Variants in UBE3C observed in about 807,000 individuals in gnomAD.
UBE3C encodes ubiquitin-protein ligase E3C.
A neutral mutation model predicts 129.4 loss-of-function variants in UBE3C; 42 were observed. The observed-to-expected ratio is 0.32, with a 90% confidence interval of 0.25 to 0.42. UBE3C has a LOEUF of 0.42. UBE3C is among the 10% of genes least tolerant of loss of function. UBE3C has a pLI of 1.00. For synonymous variants in UBE3C, 510 were observed against 492.4 expected (o/e 1.04, Z -0.47); for missense variants, 1,049 against 1,319.1 (o/e 0.80, Z 3.17).
At position 157,182,113 on chromosome 7, in the gene UBE3C, A is replaced by G. The variant is rs1808679599; in HGVS notation, c.776A>G (p.Gln259Arg). 6.4e-7 allele frequency: 1 copy of G among 1,557,080 alleles called. No individual in the cohort carries two copies. Among genetic ancestry groups the G allele is most frequent in the African/African-American group, 1.4e-5 (1 of 71,870 alleles). The change falls in exon 8 of 23, where the codon CAA (glutamine) becomes CGA (arginine). Residue 259 changes from glutamine to arginine, a missense_variant. By Grantham distance (43) the Gln-to-Arg change is conservative. Transcript: ENST00000348165. ...YNSCPEGARQ[Q>R]VFTAFTEEFL... The stretch of plus-strand genomic sequence containing the variant: ...CTTCTGTTTTTCTTTTTCAGGCAAC[A>G]AGTTTTTACAGCCTTCACAGAGGAG...
chr7:157,145,505 T>C (rs1807581009), intron 1 of UBE3C, among the ~76,000 whole-genome samples: 1 of 151,936 alleles, frequency 6.6e-6, no homozygotes, highest in Admixed American at 6.6e-5. Flanking sequence ...GTGACGAGAG[T>C]GATACTCTTT....
intron 22 of UBE3C, among the ~76,000 whole-genome samples, chr7:157,260,061 T>C (rs1046034576): frequency 2.0e-5 from 3 of 151,332 alleles, no homozygotes; most frequent in African/African-American, 4.9e-5. Flanking sequence ...AACGTGTTAG[T>C]GAATACCATC....
intron 5 of UBE3C, among the ~76,000 whole-genome samples, chr7:157,177,361 G>A (rs1285070683): frequency 6.6e-6 from 1 of 152,134 alleles, no homozygotes; most frequent in East Asian, 1.9e-4. Flanking sequence ...TTGACAATAT[G>A]GATATCCTTT....
At position 157,178,747 on chromosome 7, in the gene UBE3C, T is replaced by G. The variant is rs376211250; in HGVS notation, c.516T>G (p.Leu172=). The part of the protein sequence containing the change: ...SLNVALPMRM[L]EVFSSENTYL... ...ATGTTGCACTTCCAATGAGAATGCT[T>G]GAAGTATTTTCGTCTGAGAATACTT... is the stretch of plus-strand genomic sequence containing the variant. Residue 172 remains leucine, a synonymous_variant, in exon 6 of 23, where the codon CTT becomes CTG. Transcript: ENST00000348165. 8.1e-6 allele frequency: 13 copies of G among 1,614,116 alleles called. No homozygotes were observed. The highest frequency in any genetic ancestry group is 1.1e-5 in the Non-Finnish European group (13 of 1,180,042).
chr7:157,257,724 A>G (rs1796788048), intron 22 of UBE3C, among the ~76,000 whole-genome samples: 1 of 122,338 alleles, frequency 8.2e-6, no homozygotes, highest in African/African-American at 3.3e-5. Flanking sequence ...CCTGGGTGAC[A>G]GAGTGAGACC....
chr7:157,186,844 G>C lies in UBE3C; in HGVS notation c.1154G>C (p.Arg385Thr). 4.3e-6 allele frequency: 7 copies of C among 1,614,120 alleles called. No individual in the cohort carries two copies. The highest frequency in any genetic ancestry group is 5.9e-6 in the Non-Finnish European group (7 of 1,180,020). Residue 385 changes from arginine to threonine, a missense_variant, in exon 10 of 23, where the codon AGA (arginine) becomes ACA (threonine). This residue lies in a region of UBE3C where 489 missense variants were observed against 513.8 expected (regional missense o/e 0.95). Transcript: ENST00000348165. ...TCTGGTATGTTCTAGGAGGATGGCA[G>C]ACTGTCAGTATCATACATAACAGAG... is the stretch of plus-strand genomic sequence containing the variant. ...ADKPSSPEDG[R>T]LSVSYITEEC...
chr7:157,263,663 CAA>C (rs375631649), intron 22 of UBE3C, among the ~76,000 whole-genome samples: 27 of 76,208 alleles, frequency 3.5e-4, no homozygotes, highest in Admixed American at 8.6e-4. Context: ...GACGCCAACT[CAA>C]AAAAAAAAAA....
At chr7:157,141,558 T>G (rs1359683574) in intron 1 of UBE3C, among the ~76,000 whole-genome samples, 2 of 152,208 alleles carry the variant, frequency 1.3e-5, no homozygotes, top group African/African-American at 4.8e-5. Flanking sequence ...CAGCTCTTCA[T>G]GCAATGGTGA....
At chr7:157,228,518 T>TG (rs1795938005) in intron 17 of UBE3C, among the ~76,000 whole-genome samples, 1 of 152,224 alleles carries the variant, frequency 6.6e-6, no homozygotes, top group Non-Finnish European at 1.5e-5. Context: ...TTTTGTTGGT[T>TG]GGTTACTTTT....
intron 1 of UBE3C, among the ~76,000 whole-genome samples, chr7:157,154,090 G>A (rs1265926353): frequency 4.6e-5 from 7 of 151,528 alleles, no homozygotes; most frequent in African/African-American, 1.7e-4. Flanking sequence ...GAGGGAGGCC[G>A]AGGTGGGTGG....
At chr7:157,179,053 A>T (rs1000972413) in intron 6 of UBE3C, among the ~76,000 whole-genome samples, 1 of 151,890 alleles carries the variant, frequency 6.6e-6, no homozygotes. Context: ...GAAAATTCAG[A>T]AACATGCTAC....
At position 157,156,063 on chromosome 7, in the gene UBE3C, A is replaced by T. The variant is rs1481948664; in HGVS notation, c.67-7747A>T. Reference sequence around the variant, plus strand: ...TCAATAGGAAGTTCAGTCCTTTTTCAAAATCAAACTGCTTTCTCCTGGTAC... The same window carrying T: ...TCAATAGGAAGTTCAGTCCTTTTTCTAAATCAAACTGCTTTCTCCTGGTAC... On this transcript the variant is annotated intron_variant, in intron 1 of 22. Transcript: ENST00000348165. 7.9e-5 allele frequency among the ~76,000 whole-genome samples: 12 copies of T among 152,130 alleles called. 1 individual carries two copies. Among genetic ancestry groups the T allele is most frequent in the Admixed American group, 7.9e-4 (12 of 15,270 alleles).
chr7:157,150,062 G>T (rs767277188), intron 1 of UBE3C, among the ~76,000 whole-genome samples: 1 of 152,118 alleles, frequency 6.6e-6, no homozygotes, highest in Non-Finnish European at 1.5e-5. Flanking sequence ...CCTACCTAGG[G>T]TTGGTTATAA....
intron 18 of UBE3C, among the ~76,000 whole-genome samples, chr7:157,235,938 T>C (rs1440295465): frequency 6.6e-6 from 1 of 152,246 alleles, no homozygotes; most frequent in Non-Finnish European, 1.5e-5. Context: ...GAACATTACA[T>C]CTTCAAGAGA....
At chr7:157,261,670 A>AAGGC (rs1796918311) in intron 22 of UBE3C, among the ~76,000 whole-genome samples, 1 of 152,232 alleles carries the variant, frequency 6.6e-6, no homozygotes, top group Non-Finnish European at 1.5e-5. Context: ...ATAAATAGCA[A>AAGGC]AGGCAGGCAG....
At chr7:157,182,867 G>C (rs1053127487) in intron 8 of UBE3C, among the ~76,000 whole-genome samples, 6 of 152,084 alleles carry the variant, frequency 3.9e-5, no homozygotes, top group African/African-American at 1.4e-4. Context: ...TCCTGCCTCA[G>C]CCTCCTGAGT....
intron 13 of UBE3C, among the ~76,000 whole-genome samples, chr7:157,208,652 G>C (rs1259602612): frequency 6.6e-6 from 1 of 152,138 alleles, no homozygotes; most frequent in Non-Finnish European, 1.5e-5. Flanking sequence ...ACAACGTAAA[G>C]TAGGTCATTA....
chr7:157,171,933 C>T (rs1003789281), intron 4 of UBE3C, among the ~76,000 whole-genome samples: 4 of 150,318 alleles, frequency 2.7e-5, no homozygotes, highest in East Asian at 2.0e-4. Flanking sequence ...TCTCGAACTC[C>T]TGGCCTCAGG....
In UBE3C at chr7:157,138,969, A is replaced by C. The variant is rs961163217; in HGVS notation, c.-304A>C. The C allele has an allele frequency of 6.6e-6, 1 of 152,226 alleles. No homozygotes were observed. The highest frequency in any genetic ancestry group is 6.6e-5 in the Admixed American group (1 of 15,230). The allele number at this position is 152,226 out of a possible 1,614,324, so 9.4% of individuals were successfully genotyped here. A position where few individuals can be genotyped will look rare whatever the true frequency, so the allele number is the denominator to read the frequency against. On this transcript the variant is annotated 5_prime_UTR_variant, in exon 1 of 23. Transcript: ENST00000348165. ...CCGCCATCTTCCCTCCCGAGGCGGC[A>C]GTTCCAGGTGCAAGCGCCGGGTTTG...
Sources: gnomAD v4.1 joint callset for allele counts (sites outside exome capture counted in the v4.1 genomes callset) on GRCh38, gnomAD v4.1.1 for gene constraint, gnomAD v4.1.1 regional missense constraint, MANE v1.5 for transcripts, NCBI Gene and HGNC (gene_info 2026-07-23, HGNC 2026-07-21) for gene names.